Variants in AOC2 observed in about 807,000 individuals in gnomAD.
AOC2 encodes the protein amine oxidase [copper-containing] 2.
AOC2 carries 57 observed loss-of-function variants against 53.8 expected under a neutral mutation model. The observed-to-expected ratio is 1.06, with a 90% CI of 0.86 to 1.32. AOC2 has a LOEUF of 1.32. Ranked by LOEUF, AOC2 falls within the 40% of genes most tolerant of loss-of-function variation. The pLI is 0.00. For missense variants in AOC2, 1,008 were observed against 957.2 expected, an observed-to-expected ratio of 1.05 and a Z score of -0.70; for synonymous variants, 404 against 399.0, an observed-to-expected ratio of 1.01 and a Z score of -0.15.
chr17:42,845,979 C>T lies in AOC2; in HGVS notation c.1353C>T (p.Ser451=). The change falls in exon 1 of 4, where the codon AGC becomes AGT. Residue 451 remains serine (S), a synonymous_variant. Transcript: ENST00000253799. ...ATCATTTCTATGGTGGTTTGGCCAG[C>T]TCAGCCCTTGTGGTCAGGTCTGTGT... ...LQNHFYGGLA[S]SALVVRSVSS... is the part of the protein sequence containing the mutation. 6.2e-7 allele frequency: 1 copy of T among 1,614,254 alleles called. No individual in the cohort carries two copies. Among genetic ancestry groups the T allele is most frequent in the Non-Finnish European group, 8.5e-7 (1 of 1,180,048 alleles).
Position 42,845,921 on chromosome 17 carries a change from T to C in AOC2, c.1295T>C (p.Leu432Pro), listed in dbSNP as rs1567685559. Reference protein sequence around the residue: ...AVCVFEEAQGLPLRRHHNYLQ... With the variant: ...AVCVFEEAQGPPLRRHHNYLQ... ...TGTGTATTTGAGGAAGCCCAGGGACTGCCCCTTCGAAGGCACCACAATTAC... is the reference window on the plus strand; with the variant it reads ...TGTGTATTTGAGGAAGCCCAGGGACCGCCCCTTCGAAGGCACCACAATTAC... The change falls in exon 1 of 4, where the codon CTG (leucine) becomes CCG (proline). Residue 432 changes from leucine to proline, a missense_variant. Physicochemically the swap from Leu to Pro is moderately conservative, Grantham distance 98. Transcript: ENST00000253799. The C allele has an allele frequency of 2.5e-6, 4 of 1,614,214 alleles. No individual in the cohort carries two copies. The highest frequency in any genetic ancestry group is 1.7e-5 in the Admixed American group (1 of 60,026).
In AOC2 at chr17:42,846,066, A is replaced by AGGGC. The variant is rs2055596745; in HGVS notation, c.1444_1447dup (p.Val483AlafsTer57). 6.2e-7 allele frequency: 1 copy of AGGGC among 1,608,034 alleles called. No homozygotes were observed. ...TGTTGTACCCAAATGGGGCACTTGA[A>AGGGC]GGGCGGGTCCATGCCACGGGTTATA... is the stretch of plus-strand genomic sequence containing the variant. On this transcript the variant is annotated frameshift_variant, in exon 1 of 4. Transcript: ENST00000253799. LOFTEE classifies it high-confidence loss of function.
intron 1 of AOC2, among the ~76,000 whole-genome samples, chr17:42,847,162 T>C (rs1452722377): frequency 2.0e-5 from 3 of 152,264 alleles, no homozygotes; most frequent in Admixed American, 6.5e-5. Flanking sequence ...GAAATGATCA[T>C]ATTAACTAGA....
Position 42,849,743 on chromosome 17 carries a change from A to C in AOC2, c.2004+13A>C. On this transcript the variant is annotated intron_variant, in intron 3 of 3. Transcript: ENST00000253799. ...CCTCTTAGGAGAGGTTGGTTGCCCTAGGGACATAGGAAAGGGACACCTGTG... is the reference window on the plus strand; with the variant it reads ...CCTCTTAGGAGAGGTTGGTTGCCCTCGGGACATAGGAAAGGGACACCTGTG... The C allele has an allele frequency of 6.2e-7, 1 of 1,614,102 alleles. No individual in the cohort carries two copies. Among genetic ancestry groups the C allele is most frequent in the Non-Finnish European group, 8.5e-7 (1 of 1,179,994 alleles).
In AOC2 at chr17:42,845,482, C is replaced by T. The variant is rs952275342; in HGVS notation, c.856C>T (p.Pro286Ser). 30 of 1,613,982 alleles carry T rather than the reference C, an allele frequency of 1.9e-5. No individual in the cohort carries two copies. The Admixed American group carries it at 3.8e-4, about 21-fold the overall frequency. The change falls in exon 1 of 4, where the codon CCT becomes TCT. Residue 286 changes from proline (P) to serine (S), a missense_variant. Coordinates refer to ENST00000253799, the MANE Select transcript of AOC2 (RefSeq NM_009590.4). ...KSGRLEVVRV[P>S]LPPPNGASSL... is the part of the protein sequence containing the mutation. ...TGGCCGGTTGGAAGTGGTTAGAGTC[C>T]CTCTACCTCCACCAAATGGAGCTTC...
intron 1 of AOC2, among the ~76,000 whole-genome samples, chr17:42,848,430 A>G (rs2045794379): frequency 6.6e-6 from 1 of 151,186 alleles, no homozygotes; most frequent in Admixed American, 6.6e-5. Flanking sequence ...AGTGATAGAA[A>G]TATTCCGTAT....
chr17:42,844,768 C>T lies in AOC2; in HGVS notation c.142C>T (p.Pro48Ser). 3 of 1,614,218 alleles carry T rather than the reference C, an allele frequency of 1.9e-6. No individual in the cohort carries two copies. The highest frequency in any genetic ancestry group is 2.5e-6 in the Non-Finnish European group (3 of 1,180,032). The change falls in exon 1 of 4, where the codon CCA (proline) becomes TCA (serine). Residue 48 changes from proline to serine, a missense_variant. By Grantham distance (74) the Pro-to-Ser change is moderately conservative (BLOSUM62 -1). Coordinates refer to ENST00000253799, the MANE Select transcript of AOC2 (RefSeq NM_009590.4). Reference protein sequence around the residue: ...PSVSHRAQPWPHPGQSQLFAD... With the variant: ...PSVSHRAQPWSHPGQSQLFAD... The stretch of plus-strand genomic sequence containing the variant: ...TGTATCCCATAGGGCCCAGCCCTGG[C>T]CACACCCTGGCCAGAGCCAGCTGTT...
Position 42,849,351 on chromosome 17 carries a change from G to T in AOC2, c.1854G>T (p.Glu618Asp), listed in dbSNP as rs748736054. ...ACATACCCCTGGAGAGTGACATGGA[G>T]AGGGCCCTCAGCTGGGGGAGGTGAG... Reference protein sequence around the residue: ...GIHIPLESDMERALSWGRYQL... With the variant: ...GIHIPLESDMDRALSWGRYQL... Residue 618 changes from glutamate (E) to aspartate (D), a missense_variant, in exon 2 of 4, where the codon GAG (glutamate) becomes GAT (aspartate). Physicochemically the swap from Glu to Asp is conservative, Grantham distance 45. Transcript: ENST00000253799. The T allele has an allele frequency of 3.1e-6, 5 of 1,612,306 alleles. No individual in the cohort carries two copies. Among genetic ancestry groups the T allele is most frequent in the Non-Finnish European group, 4.2e-6 (5 of 1,178,474 alleles).
chr17:42,845,691 T>G lies in AOC2; in HGVS notation c.1065T>G (p.Tyr355Ter). ...DVRFQGERIA[Y>*]EVSVQECVSI... ...GGTTCCAGGGTGAGCGAATAGCCTA[T>G]GAAGTCAGTGTCCAGGAGTGTGTAT... Residue 355 changes from tyrosine (Y) to a stop codon, truncating the protein, a stop_gained, in exon 1 of 4, where the codon TAT becomes TAG. Coordinates refer to ENST00000253799, the MANE Select transcript of AOC2 (RefSeq NM_009590.4). LOFTEE classifies it high-confidence loss of function. 1 of 1,614,186 alleles carries G rather than the reference T, an allele frequency of 6.2e-7. No homozygotes were observed. The highest frequency in any genetic ancestry group is 8.5e-7 in the Non-Finnish European group (1 of 1,180,026).
chr17:42,845,614 T>A lies in AOC2; in HGVS notation c.988T>A (p.Ser330Thr). Residue 330 changes from serine (S) to threonine (T), a missense_variant, in exon 1 of 4, where the codon TCA (serine) becomes ACA (threonine). Ser to Thr is a moderately conservative substitution (Grantham distance 58). Coordinates refer to ENST00000253799, the MANE Select transcript of AOC2 (RefSeq NM_009590.4). The stretch of plus-strand genomic sequence containing the variant: ...AAACCTGGTGGTATCCTCCCTCTGG[T>A]CATTTACCTTTGGCCATGGGGTGTT... ...QGNLVVSSLW[S>T]FTFGHGVFSG... is the part of the protein sequence containing the mutation. 3 of 1,614,198 alleles carry A rather than the reference T, an allele frequency of 1.9e-6. No individual in the cohort carries two copies. The highest frequency in any genetic ancestry group is 2.5e-6 in the Non-Finnish European group (3 of 1,180,026).
At position 42,846,084 on chromosome 17, in the gene AOC2, G is replaced by A. The variant is rs757339040; in HGVS notation, c.1458G>A (p.Thr486=). 16 of 1,604,400 alleles carry A rather than the reference G, an allele frequency of 1.0e-5. No homozygotes were observed. Among genetic ancestry groups the A allele is most frequent in the African/African-American group, 8.0e-5 (6 of 74,712 alleles). Reference sequence around the variant, plus strand: ...CACTTGAAGGGCGGGTCCATGCCACGGGTTATATCAACACAGCTTTCCTGA... The same window carrying A: ...CACTTGAAGGGCGGGTCCATGCCACAGGTTATATCAACACAGCTTTCCTGA... ...NGALEGRVHA[T]GYINTAFLKG... Residue 486 remains threonine (T), a synonymous_variant, in exon 1 of 4, where the codon ACG becomes ACA. Coordinates refer to ENST00000253799, the MANE Select transcript of AOC2 (RefSeq NM_009590.4).
Position 42,850,193 on chromosome 17 carries a change from T to C in AOC2, c.2116T>C (p.Phe706Leu), listed in dbSNP as rs748147749. 2 of 1,614,182 alleles carry C rather than the reference T, an allele frequency of 1.2e-6. No individual in the cohort carries two copies. The highest frequency in any genetic ancestry group is 3.3e-5 in the Admixed American group (2 of 60,020). ...TGGCTTCTTGCTCCGACCCTATAAC[T>C]TCTTTGATGAGGACCCCTCCATCTT... ...RVGFLLRPYN[F>L]FDEDPSIFSP... Residue 706 changes from phenylalanine (F) to leucine (L), a missense_variant, in exon 4 of 4, where the codon TTC becomes CTC. By Grantham distance (22) the Phe-to-Leu change is conservative. Transcript: ENST00000253799.
At position 42,845,155 on chromosome 17, in the gene AOC2, A is replaced by T. The variant is rs752431586; in HGVS notation, c.529A>T (p.Arg177Trp). 8.1e-6 allele frequency: 13 copies of T among 1,613,742 alleles called. 1 individual carries two copies. The South Asian group carries it at 1.4e-4, about 18-fold the overall frequency. The change falls in exon 1 of 4, where the codon AGG becomes TGG. Residue 177 changes from arginine (R) to tryptophan (W), a missense_variant. Transcript: ENST00000253799. ...GAGAGCTGAGTTTACACAGATGTGG[A>T]GGCATCTGAAAGAGGTGGAGCTACC... ...VLRAEFTQMW[R>W]HLKEVELPKA...
intron 1 of AOC2, among the ~76,000 whole-genome samples, chr17:42,847,932 A>AT (rs1243730144): frequency 2.4e-4 from 37 of 151,610 alleles, no homozygotes; most frequent in Admixed American, 2.4e-3. Flanking sequence ...CACCTGGCTA[A>AT]TTTTTTTAAA....
rs756445745 is a variant in AOC2 at position 42,845,040 on chromosome 17, G to C, written c.414G>C (p.Val138=). 2.5e-6 allele frequency: 4 copies of C among 1,613,948 alleles called. No homozygotes were observed. Among genetic ancestry groups the C allele is most frequent in the Admixed American group, 1.7e-5 (1 of 60,024 alleles). The stretch of plus-strand genomic sequence containing the variant: ...CCCAACCCAATGTGAGTGAGCTGGT[G>C]GTGGGGCCGCTGCCTCACCCCTCGT... ...GQPQPNVSEL[V]VGPLPHPSYM... Residue 138 remains valine, a synonymous_variant, in exon 1 of 4, where the codon GTG becomes GTC. Coordinates refer to ENST00000253799, the MANE Select transcript of AOC2 (RefSeq NM_009590.4).
At position 42,849,339 on chromosome 17, in the gene AOC2, G is replaced by T; in HGVS notation, c.1842G>T (p.Glu614Asp). The stretch of plus-strand genomic sequence containing the variant: ...CCCTTGGCATACACATACCCCTGGA[G>T]AGTGACATGGAGAGGGCCCTCAGCT... ...HSPLGIHIPL[E>D]SDMERALSWG... The change falls in exon 2 of 4, where the codon GAG (glutamate) becomes GAT (aspartate). Residue 614 changes from glutamate (E) to aspartate (D), a missense_variant. Glu to Asp is a conservative substitution (Grantham distance 45, BLOSUM62 2). Transcript: ENST00000253799. 6.2e-7 allele frequency: 1 copy of T among 1,613,496 alleles called. No individual in the cohort carries two copies. The highest frequency in any genetic ancestry group is 1.1e-5 in the South Asian group (1 of 91,082).
At chr17:42,848,673 C>T (rs2055619215) in intron 1 of AOC2, among the ~76,000 whole-genome samples, 2 of 151,548 alleles carry the variant, frequency 1.3e-5, no homozygotes, top group African/African-American at 4.9e-5. Flanking sequence ...ACCCCAGCTT[C>T]CCAAGTAACT....
intron 1 of AOC2, 94 bp from the exon 2 acceptor site, chr17:42,848,992 C>A: frequency 7.6e-7 from 1 of 1,318,352 alleles, no homozygotes; most frequent in Non-Finnish European, 1.0e-6. Context: ...TGCCTTTTGT[C>A]ACACCAGTGC....
chr17:42,850,500 T>A lies in AOC2; in HGVS notation c.*152T>A. 1 of 836,600 alleles carries A rather than the reference T, an allele frequency of 1.2e-6. No individual in the cohort carries two copies. The highest frequency in any genetic ancestry group is 1.8e-6 in the Non-Finnish European group (1 of 565,890). 51.8% of individuals were successfully genotyped at this position (836,600 alleles called of 1,614,324 possible). On this transcript the variant is annotated 3_prime_UTR_variant, in exon 4 of 4. Coordinates refer to ENST00000253799, the MANE Select transcript of AOC2 (RefSeq NM_009590.4). ...AACCCCCATCAGTCCCTTTGGTTAATTCTTACTTCCTGTTCATCTCTAAAG... is the reference window on the plus strand; with the variant it reads ...AACCCCCATCAGTCCCTTTGGTTAAATCTTACTTCCTGTTCATCTCTAAAG...
Sources: gnomAD v4.1 joint callset for allele counts (sites outside exome capture counted in the v4.1 genomes callset) on GRCh38, gnomAD v4.1.1 for gene constraint, MANE v1.5 for transcripts, NCBI Gene and HGNC (gene_info 2026-07-23, HGNC 2026-07-21) for gene names.